The following NDST3 variants were observed in gnomAD, a reference collection of about 807,000 sequenced individuals.
NDST3 encodes the protein bifunctional heparan sulfate N-deacetylase/N-sulfotransferase 3.
A neutral mutation model predicts 96.1 loss-of-function variants in NDST3; 58 were observed. The ratio of observed to expected loss-of-function variants is 0.60; its 90% confidence interval spans 0.49 to 0.75. NDST3 has a LOEUF of 0.75. Among genes scored for constraint, NDST3 ranks in the 30% least tolerant of loss-of-function variants. The probability of loss-of-function intolerance (pLI) is 0.00; values close to 1 mark genes in which losing one functional copy is unlikely to be tolerated. For synonymous variants in NDST3, 333 were observed against 359.7 expected (o/e 0.93, Z 0.84); for missense variants, 788 against 1,034.2 (o/e 0.76, Z 3.27).
chr4:118,201,599 T>A (rs1738091140), intron 6 of NDST3, among the ~76,000 whole-genome samples: 2 of 152,236 alleles, frequency 1.3e-5, no homozygotes, highest in South Asian at 4.1e-4. Context: ...GAAGTATGTG[T>A]TCATGTCCTT....
chr4:118,236,362 A>T (rs888461763), intron 9 of NDST3, among the ~76,000 whole-genome samples: 1 of 152,204 alleles, frequency 6.6e-6, no homozygotes, highest in South Asian at 2.1e-4. Flanking sequence ...TCTGCTGGTA[A>T]TTTGAATTCT....
intron 6 of NDST3, among the ~76,000 whole-genome samples, chr4:118,200,893 T>C (rs1426628478): frequency 6.6e-6 from 1 of 152,198 alleles, no homozygotes; most frequent in Non-Finnish European, 1.5e-5. Flanking sequence ...CTCACCCTGG[T>C]AGTAAGCATA....
At chr4:118,044,541 A>G (rs1724646608) in intron 1 of NDST3, among the ~76,000 whole-genome samples, 1 of 152,242 alleles carries the variant, frequency 6.6e-6, no homozygotes, top group Non-Finnish European at 1.5e-5. Flanking sequence ...ATGAGACTGC[A>G]CTGGCGTGCC....
chr4:118,144,266 C>T (rs1191219203), intron 6 of NDST3, among the ~76,000 whole-genome samples: 2 of 151,890 alleles, frequency 1.3e-5, no homozygotes, highest in Admixed American at 1.3e-4. Flanking sequence ...CTGCAAGCTC[C>T]GCCTCCCGGG....
intron 6 of NDST3, among the ~76,000 whole-genome samples, chr4:118,215,203 A>T (rs1301598160): frequency 6.6e-6 from 1 of 152,134 alleles, no homozygotes; most frequent in Non-Finnish European, 1.5e-5. Context: ...CATGTAAAAA[A>T]CAAAACCCTG....
At chr4:118,162,526 C>T (rs1219494079) in intron 6 of NDST3, among the ~76,000 whole-genome samples, 2 of 151,604 alleles carry the variant, frequency 1.3e-5, no homozygotes, top group African/African-American at 4.9e-5. Context: ...ATAAATGGTG[C>T]TGGGAAAACT....
chr4:118,033,732 C>T (rs1018979003), upstream of NDST3: 1 of 152,306 alleles, frequency 6.6e-6, no homozygotes. Context: ...CGGCCGAAGT[C>T]GCCACCAGCT....
chr4:118,041,729 A>C (rs1724476994), intron 1 of NDST3, among the ~76,000 whole-genome samples: 1 of 152,180 alleles, frequency 6.6e-6, no homozygotes, highest in Non-Finnish European at 1.5e-5. Context: ...ATTTTTGTGC[A>C]AGCATTTCAC....
At chr4:118,126,058 AC>A (rs1732034783) in intron 4 of NDST3, among the ~76,000 whole-genome samples, 1 of 152,032 alleles carries the variant, frequency 6.6e-6, no homozygotes, top group Admixed American at 6.6e-5. Flanking sequence ...CAGAGGTTCC[AC>A]AGGTTCTTAT....
chr4:118,146,771 A>G (rs1038557567), intron 6 of NDST3, among the ~76,000 whole-genome samples: 31 of 152,202 alleles, frequency 2.0e-4, no homozygotes, highest in Non-Finnish European at 2.2e-4. Context: ...CGTAAGCTGG[A>G]TGCAGGGGTT....
Position 118,253,488 on chromosome 4 carries a change from T to G in NDST3, c.2400-11T>G. On this transcript the variant is annotated splice_polypyrimidine_tract_variant and intron_variant, in intron 12 of 13. Coordinates refer to ENST00000296499, the MANE Select transcript of NDST3 (RefSeq NM_004784.3). ...TTCTGGTTTTTCTGTGTGTATTCTT[T>G]TTTTTTTTAGGTTTGATTCTCATAA... The G allele has an allele frequency of 6.4e-7, 1 of 1,565,736 alleles. No individual in the cohort carries two copies.
intron 2 of NDST3, among the ~76,000 whole-genome samples, chr4:118,070,738 G>A (rs1473869737): frequency 6.7e-6 from 1 of 150,168 alleles, no homozygotes; most frequent in African/African-American, 2.5e-5. Flanking sequence ...ATGATGCTGT[G>A]CTGCACCCAT....
intron 1 of NDST3, among the ~76,000 whole-genome samples, chr4:118,041,529 T>G (rs1724464974): frequency 6.6e-6 from 1 of 152,202 alleles, no homozygotes; most frequent in Non-Finnish European, 1.5e-5. Context: ...AAATACAGTT[T>G]CCTGATCAGT....
chr4:118,067,920 T>G (rs1013192304), intron 2 of NDST3, among the ~76,000 whole-genome samples: 1 of 150,966 alleles, frequency 6.6e-6, no homozygotes, highest in East Asian at 1.9e-4. Flanking sequence ...TTAAAATAAG[T>G]AAATAAATAA....
chr4:118,191,529 G>A (rs1210583637), intron 6 of NDST3, among the ~76,000 whole-genome samples: 1 of 152,112 alleles, frequency 6.6e-6, no homozygotes, highest in Admixed American at 6.5e-5. Flanking sequence ...CTCTAGGCCT[G>A]GACTCAGCAT....
intron 2 of NDST3, among the ~76,000 whole-genome samples, chr4:118,065,757 AC>A (rs760015262): frequency 4.1e-4 from 62 of 151,580 alleles, no homozygotes; most frequent in Middle Eastern, 3.4e-3. Context: ...TATTCTAACT[AC>A]CCCAACCTAA....
At chr4:118,103,101 G>T (rs1262685945) in intron 2 of NDST3, among the ~76,000 whole-genome samples, 2 of 151,154 alleles carry the variant, frequency 1.3e-5, no homozygotes, top group African/African-American at 2.5e-5. Flanking sequence ...ATCAAGTTTT[G>T]TAAATGTACA....
rs1356496705 is a variant in NDST3 at position 118,035,437 on chromosome 4, T to TG, written c.-156+845_-156+846insG. Among the ~76,000 whole-genome samples, 7 of 76,432 alleles carry TG rather than the reference T, an allele frequency of 9.2e-5. 1 individual carries two copies. Among genetic ancestry groups the TG allele is most frequent in the African/African-American group, 1.9e-4 (6 of 30,934 alleles). The allele number at this position is 76,432 out of a possible 152,430, so 50.1% of individuals were successfully genotyped here. A position where few individuals can be genotyped will look rare whatever the true frequency, so the allele number is the denominator to read the frequency against. On this transcript the variant is annotated intron_variant, in intron 1 of 13. Transcript: ENST00000296499. ...CTGATCTGGGACACACACTTTTTTT[T>TG]TGTTTTTTTTTTTTGCCCTTAGAAA...
rs572990305 is a variant in NDST3, at chr4:118,089,530, T to C, written c.982-15488T>C. On this transcript the variant is annotated intron_variant, in intron 2 of 13. Coordinates refer to ENST00000296499, the MANE Select transcript of NDST3 (RefSeq NM_004784.3). The stretch of plus-strand genomic sequence containing the variant: ...ATCTGACCAATTATAACTCAAAATT[T>C]AAATCAAACCTACAAGTTATTATTA... Among the ~76,000 whole-genome samples the C allele has an allele frequency of 3.9e-5, 6 of 152,046 alleles. No individual in the cohort carries two copies. The South Asian group carries it at 1.2e-3, about 31-fold the overall frequency.
Sources: allele counts gnomAD v4.1 joint callset (sites outside exome capture counted in the v4.1 genomes callset), GRCh38; gene constraint gnomAD v4.1.1; transcripts MANE v1.5; gene names NCBI Gene and HGNC (gene_info 2026-07-23, HGNC 2026-07-21).